The following ADCY10 variants were observed in gnomAD, a reference collection of about 807,000 sequenced individuals.
ADCY10 encodes the protein adenylate cyclase 10.
A neutral mutation model predicts 183.3 loss-of-function variants in ADCY10; 156 were observed. The ratio of observed to expected loss-of-function variants is 0.85; its 90% CI spans 0.75 to 0.97. The LOEUF is 0.97. Among genes scored for constraint, ADCY10 ranks in the 50% least tolerant of loss-of-function variants. The pLI is 0.00. For synonymous variants in ADCY10, 645 were observed against 670.0 expected (o/e 0.96, Z 0.58); for missense variants, 1,745 against 1,934.3 (o/e 0.90, Z 1.84).
chr1:167,858,596 G>A (rs937539782), intron 16 of ADCY10, among the ~76,000 whole-genome samples: 7 of 151,454 alleles, frequency 4.6e-5, no homozygotes, highest in African/African-American at 1.5e-4. Context: ...TAATAGTATA[G>A]AGTGTATAGT....
chr1:167,854,405 GA>G lies in ADCY10; in HGVS notation c.2255del (p.Phe752SerfsTer24), dbSNP rs745999022. 6.2e-7 allele frequency: 1 copy of G among 1,614,186 alleles called. No individual in the cohort carries two copies. Among genetic ancestry groups the G allele is most frequent in the Non-Finnish European group, 8.5e-7 (1 of 1,180,024 alleles). On this transcript the variant is annotated frameshift_variant, in exon 18 of 33. Transcript: ENST00000367851. LOFTEE classifies it high-confidence loss of function. ...TCTTTTCCTCAGACTCCGTTTGTTGGAAAACGAGTACCTCATGATGTTCCAG... is the reference window on the plus strand; with the variant it reads ...TCTTTTCCTCAGACTCCGTTTGTTGGAAACGAGTACCTCATGATGTTCCAG... ...KNLEHHEVLV[F>X]QQTESEEKTN...
At chr1:167,859,930 A>G in intron 15 of ADCY10, 37 bp from the exon 16 acceptor site, 1 of 1,480,296 alleles carries the variant, frequency 6.8e-7, no homozygotes, top group Non-Finnish European at 9.4e-7. Context: ...AGTATGGGAA[A>G]ATAGCAAAGG....
chr1:167,859,312 A>G (rs1368770133), intron 16 of ADCY10, among the ~76,000 whole-genome samples: 8 of 152,358 alleles, frequency 5.3e-5, no homozygotes, highest in African/African-American at 1.9e-4. Flanking sequence ...GTTTCTTATG[A>G]AAGAGACACT....
At chr1:167,866,145 T>C (rs1244370751) in intron 14 of ADCY10, among the ~76,000 whole-genome samples, 1 of 152,236 alleles carries the variant, frequency 6.6e-6, no homozygotes, top group East Asian at 1.9e-4. Flanking sequence ...GGACCTTTAC[T>C]GGGCACTCTG....
chr1:167,899,573 G>T lies in ADCY10; in HGVS notation c.492C>A (p.His164Gln). The change falls in exon 6 of 33, where the codon CAC (histidine) becomes CAA (glutamine). Residue 164 changes from histidine to glutamine, a missense_variant. Coordinates refer to ENST00000367851, the MANE Select transcript of ADCY10 (RefSeq NM_018417.6). ...MLVFGDETHS[H>Q]FLVIGQAVDD... is the part of the protein sequence containing the mutation. ...CCACTGCCTGACCAATCACCAGAAA[G>T]TGGCTGTGTGTTTCATCTCCAAAGA... 6.2e-7 allele frequency: 1 copy of T among 1,614,234 alleles called. No individual in the cohort carries two copies. Among genetic ancestry groups the T allele is most frequent in the Non-Finnish European group, 8.5e-7 (1 of 1,180,054 alleles).
chr1:167,848,277 C>T lies in ADCY10; in HGVS notation c.2437+84G>A. On this transcript the variant is annotated intron_variant, in intron 19 of 32. Transcript: ENST00000367851. The stretch of plus-strand genomic sequence containing the variant: ...TATTGGCCAGGCTGGTCTCAAACTC[C>T]TGACCTTGTGATCCGCCCGCCTCGG... 3 of 1,185,244 alleles carry T rather than the reference C, an allele frequency of 2.5e-6. No individual in the cohort carries two copies. The South Asian group carries it at 3.7e-5, about 15-fold the overall frequency. 73.4% of individuals were successfully genotyped at this position (1,185,244 alleles called of 1,614,324 possible).
intron 13 of ADCY10, among the ~76,000 whole-genome samples, chr1:167,874,820 A>G (rs1264623796): frequency 6.6e-6 from 1 of 152,222 alleles, no homozygotes; most frequent in Non-Finnish European, 1.5e-5. Context: ...AACAATATGG[A>G]TGAATTATAT....
In ADCY10 at chr1:167,878,567, A is replaced by G. The variant is rs1191320969; in HGVS notation, c.1285T>C (p.Ser429Pro). The G allele has an allele frequency of 6.2e-7, 1 of 1,614,214 alleles. No individual in the cohort carries two copies. The highest frequency in any genetic ancestry group is 2.2e-5 in the East Asian group (1 of 44,884). The change falls in exon 12 of 33, where the codon TCT becomes CCT. Residue 429 changes from serine to proline, a missense_variant. Physicochemically the swap from Ser to Pro is moderately conservative, Grantham distance 74. Transcript: ENST00000367851. The part of the protein sequence containing the change: ...MYYPGIVTCD[S>P]VTYNGSNLPA... ...AGGTTGCTCCCATTGTAGGTGACAG[A>G]GTCGCAGGTCACAATTCCTGGGTAG...
In ADCY10 at chr1:167,836,440, A is replaced by C. The variant is rs1210247126; in HGVS notation, c.3178T>G (p.Cys1060Gly). The change falls in exon 23 of 33, where the codon TGT (cysteine) becomes GGT (glycine). Residue 1060 changes from cysteine (C) to glycine (G), a missense_variant. Coordinates refer to ENST00000367851, the MANE Select transcript of ADCY10 (RefSeq NM_018417.6). The stretch of plus-strand genomic sequence containing the variant: ...ATGACAATCTCTAGGATTTCTTCAC[A>C]CTGGCAAGATTCCAGAGGGATAATG... ...EDIIPLESCQ[C>G]EEILEIVILP... The C allele has an allele frequency of 3.1e-6, 5 of 1,614,152 alleles. No homozygotes were observed. The highest frequency in any genetic ancestry group is 4.2e-6 in the Non-Finnish European group (5 of 1,179,958).
chr1:167,834,866 A>G (rs1664078723), intron 23 of ADCY10, among the ~76,000 whole-genome samples: 1 of 152,154 alleles, frequency 6.6e-6, no homozygotes, highest in African/African-American at 2.4e-5. Flanking sequence ...CGGGGTATGC[A>G]TAGGTTTTAG....
chr1:167,861,080 C>T lies in ADCY10; in HGVS notation c.1617-17G>A, dbSNP rs1666250711. 6.2e-7 allele frequency: 1 copy of T among 1,606,252 alleles called. No homozygotes were observed. On this transcript the variant is annotated splice_polypyrimidine_tract_variant and intron_variant, in intron 14 of 32. Coordinates refer to ENST00000367851, the MANE Select transcript of ADCY10 (RefSeq NM_018417.6). ...GCAATAATCCTGTTTGTGAGAAAAT[C>T]AAGAAACAGAAGAGAGTTTTTAAAT...
chr1:167,848,668 T>C (rs1665246160), intron 18 of ADCY10, among the ~76,000 whole-genome samples, 179 bp from the exon 19 acceptor site: 1 of 152,140 alleles, frequency 6.6e-6, no homozygotes, highest in Non-Finnish European at 1.5e-5. Flanking sequence ...TTTGTTTTTT[T>C]GAGGTGGAGT....
chr1:167,902,421 G>A (rs1431658048), intron 3 of ADCY10, among the ~76,000 whole-genome samples: 1 of 152,226 alleles, frequency 6.6e-6, no homozygotes, highest in African/African-American at 2.4e-5. Flanking sequence ...GTAAGCATGG[G>A]TGGGTGGATG....
intron 24 of ADCY10, 80 bp from the exon 25 acceptor site, chr1:167,833,242 T>G: frequency 7.4e-7 from 1 of 1,354,578 alleles, no homozygotes; most frequent in South Asian, 1.2e-5. Context: ...ACAATCCATA[T>G]TTTGGGGATT....
chr1:167,900,844 T>G (rs762778361), intron 5 of ADCY10, among the ~76,000 whole-genome samples: 2 of 152,218 alleles, frequency 1.3e-5, no homozygotes, highest in Non-Finnish European at 2.9e-5. Context: ...ATTTGGAAAT[T>G]TTTAACAACA....
Position 167,905,152 on chromosome 1 carries a change from A to G in ADCY10, c.-12T>C. 4 of 1,614,208 alleles carry G rather than the reference A, an allele frequency of 2.5e-6. No individual in the cohort carries two copies. Among genetic ancestry groups the G allele is most frequent in the Non-Finnish European group, 3.4e-6 (4 of 1,180,044 alleles). ...TTTGGAGTGTTCATGTTCAAGACAAATGTTCAGGATTTTATGGTGACAGGA... is the reference window on the plus strand; with the variant it reads ...TTTGGAGTGTTCATGTTCAAGACAAGTGTTCAGGATTTTATGGTGACAGGA... On this transcript the variant is annotated 5_prime_UTR_variant, in exon 2 of 33. Coordinates refer to ENST00000367851, the MANE Select transcript of ADCY10 (RefSeq NM_018417.6).
At chr1:167,815,376 G>C (rs1662468418) in intron 31 of ADCY10, among the ~76,000 whole-genome samples, 1 of 152,152 alleles carries the variant, frequency 6.6e-6, no homozygotes, top group African/African-American at 2.4e-5. Context: ...CTAACCTCCA[G>C]GGGTTTTACT....
chr1:167,853,167 C>A (rs75275160), intron 18 of ADCY10, among the ~76,000 whole-genome samples: 2,238 of 152,180 alleles, frequency 0.015, 20 homozygotes, highest in East Asian at 0.06. Context: ...TACGTTTTGA[C>A]CCTCTAGGTT....
Position 167,846,154 on chromosome 1 carries a change from G to A in ADCY10, c.2547C>T (p.Leu849=), listed in dbSNP as rs1665012389. The change falls in exon 20 of 33, where the codon CTC becomes CTT. Residue 849 remains leucine (L), a synonymous_variant. Coordinates refer to ENST00000367851, the MANE Select transcript of ADCY10 (RefSeq NM_018417.6). ...TCATCATCTTCATATTCCAACAGGG[G>A]AGAATCTCAAACAACAACTCAGTGG... ...TFTTELLFEI[L]PCWNMKMMIK... is the part of the protein sequence containing the mutation. The A allele has an allele frequency of 6.2e-7, 1 of 1,614,200 alleles. No individual in the cohort carries two copies. Among genetic ancestry groups the A allele is most frequent in the Non-Finnish European group, 8.5e-7 (1 of 1,180,040 alleles).
Sources: allele counts gnomAD v4.1 joint callset (sites outside exome capture counted in the v4.1 genomes callset), GRCh38; gene constraint gnomAD v4.1.1; transcripts MANE v1.5; gene names NCBI Gene and HGNC (gene_info 2026-07-23, HGNC 2026-07-21).